The following ZUP1 variants were observed in gnomAD, a reference collection of about 807,000 sequenced individuals.
ZUP1 encodes the protein zinc finger-containing ubiquitin peptidase 1.
In ZUP1, 55 loss-of-function variants were observed where a neutral mutation model predicts 68.1. That is an observed-to-expected ratio of 0.81 (90% CI 0.65 to 1.01). The LOEUF (loss-of-function observed/expected upper bound fraction) is 1.01, where lower values mean the gene tolerates loss of function less well. Among genes scored for constraint, ZUP1 ranks in the 50% least tolerant of loss-of-function variants. The pLI is 0.00. For missense variants in ZUP1, 684 were observed against 674.9 expected, an observed-to-expected ratio of 1.01 and a Z score of -0.15; for synonymous variants, 223 against 221.5, an observed-to-expected ratio of 1.01 and a Z score of -0.06.
intron 9 of ZUP1, 34 bp downstream of exon 9, chr6:116,645,676 CTCAT>C (rs1232084145): frequency 1.4e-6 from 2 of 1,427,520 alleles, no homozygotes; most frequent in Non-Finnish European, 9.5e-7. Flanking sequence ...TTAAGTTCAT[CTCAT>C]TCAAACTTCA....
chr6:116,661,973 C>A (rs922378250), intron 2 of ZUP1, among the ~76,000 whole-genome samples: 2 of 152,074 alleles, frequency 1.3e-5, no homozygotes, highest in Non-Finnish European at 2.9e-5. Flanking sequence ...GTTCAAAATG[C>A]TCACTGAAAT....
intron 8 of ZUP1, 61 bp downstream of exon 8, chr6:116,647,398 A>T: frequency 7.3e-7 from 1 of 1,378,272 alleles, no homozygotes; most frequent in Non-Finnish European, 9.6e-7. Flanking sequence ...AACCTGTCTG[A>T]AAGCAACAAT....
intron 2 of ZUP1, among the ~76,000 whole-genome samples, chr6:116,662,003 T>C (rs1279848930): frequency 6.6e-6 from 1 of 152,120 alleles, no homozygotes; most frequent in Non-Finnish European, 1.5e-5. Flanking sequence ...AACTGAATCT[T>C]TGAAACCAGG....
intron 9 of ZUP1, among the ~76,000 whole-genome samples, chr6:116,639,600 A>C (rs2115378196): frequency 6.6e-6 from 1 of 152,326 alleles, no homozygotes; most frequent in East Asian, 1.9e-4. Flanking sequence ...ACCTCTAGCA[A>C]ACTCCAACAG....
At chr6:116,637,930 C>T (rs1456343365) in intron 9 of ZUP1, among the ~76,000 whole-genome samples, 5 of 152,072 alleles carry the variant, frequency 3.3e-5, no homozygotes, top group African/African-American at 7.2e-5. Context: ...GGCGTGGTGG[C>T]ACACGCCTGT....
intron 3 of ZUP1, among the ~76,000 whole-genome samples, chr6:116,659,322 G>A (rs1776766605): frequency 6.6e-6 from 1 of 152,076 alleles, no homozygotes; most frequent in Admixed American, 6.5e-5. Context: ...TAGAGATGGA[G>A]TTTCGCCATG....
At chr6:116,636,408 G>A (rs1393719299) in intron 9 of ZUP1, among the ~76,000 whole-genome samples, 2 of 151,994 alleles carry the variant, frequency 1.3e-5, no homozygotes, top group Non-Finnish European at 2.9e-5. Context: ...AATATAGTGG[G>A]GTAACTTTAA....
At chr6:116,650,296 C>A (rs1230533447) in intron 7 of ZUP1, among the ~76,000 whole-genome samples, 4 of 151,780 alleles carry the variant, frequency 2.6e-5, no homozygotes, top group Non-Finnish European at 5.9e-5. Context: ...GTAGCGGAAG[C>A]CTGTAATCCC....
intron 9 of ZUP1, among the ~76,000 whole-genome samples, chr6:116,645,122 A>G (rs913731211): frequency 6.8e-6 from 1 of 146,178 alleles, no homozygotes; most frequent in Non-Finnish European, 1.6e-5. Context: ...TTTAAAATGC[A>G]AAAAAATTAA....
At chr6:116,636,407 G>C (rs1415670111) in intron 9 of ZUP1, among the ~76,000 whole-genome samples, 1 of 151,974 alleles carries the variant, frequency 6.6e-6, no homozygotes, top group Non-Finnish European at 1.5e-5. Flanking sequence ...GAATATAGTG[G>C]GGTAACTTTA....
intron 2 of ZUP1, among the ~76,000 whole-genome samples, chr6:116,661,772 G>C (rs893849219): frequency 1.3e-5 from 2 of 152,152 alleles, no homozygotes; most frequent in African/African-American, 4.8e-5. Context: ...CAGTGTGAAG[G>C]AACCATGAAA....
intron 2 of ZUP1, among the ~76,000 whole-genome samples, chr6:116,665,523 T>C (rs1427765136): frequency 6.7e-6 from 1 of 148,202 alleles, no homozygotes; most frequent in African/African-American, 2.5e-5. Flanking sequence ...ATCTGCAAAA[T>C]ACACATCCAA....
At chr6:116,654,875 T>C (rs1172446189) in intron 5 of ZUP1, among the ~76,000 whole-genome samples, 3 of 152,112 alleles carry the variant, frequency 2.0e-5, no homozygotes, top group Non-Finnish European at 4.4e-5. Context: ...AGTGTCACCA[T>C]ACTATGTGTG....
chr6:116,639,471 G>A (rs1439832245), intron 9 of ZUP1, among the ~76,000 whole-genome samples: 2 of 152,144 alleles, frequency 1.3e-5, no homozygotes, highest in African/African-American at 2.4e-5. Flanking sequence ...TCACACGGCC[G>A]GGTACTCCTC....
chr6:116,668,010 G>C (rs1777061972), intron 1 of ZUP1, among the ~76,000 whole-genome samples: 1 of 134,442 alleles, frequency 7.4e-6, no homozygotes, highest in Non-Finnish European at 1.6e-5. Context: ...TGACATAAAA[G>C]TGTTAAAAAA....
intron 9 of ZUP1, among the ~76,000 whole-genome samples, chr6:116,640,146 T>C (rs1357521527): frequency 1.4e-5 from 2 of 138,830 alleles, no homozygotes; most frequent in African/African-American, 5.8e-5. Context: ...GAAAAAAGAA[T>C]AGAAAGAAAT....
intron 2 of ZUP1, among the ~76,000 whole-genome samples, chr6:116,665,569 CTTTT>C (rs753039436): frequency 3.6e-5 from 4 of 111,580 alleles, no homozygotes; most frequent in South Asian, 3.0e-4. Flanking sequence ...AAAAATTTTT[CTTTT>C]TTTTTTTTTT....
chr6:116,658,883 G>A lies in ZUP1; in HGVS notation c.712C>T (p.His238Tyr), dbSNP rs1161328550. ...VQCSGDLQLAHQLQQEEDRKR... is the reference protein window; with the variant it reads ...VQCSGDLQLAYQLQQEEDRKR... ...CTGTCTTCTTCTTGCTGAAGCTGGT[G>A]AGCCAATTGTAGATCACCAGAACAC... is the stretch of plus-strand genomic sequence containing the variant. Residue 238 changes from histidine to tyrosine, a missense_variant, in exon 4 of 10, where the codon CAC (histidine) becomes TAC (tyrosine). Coordinates refer to ENST00000368576, the MANE Select transcript of ZUP1 (RefSeq NM_145062.3). The A allele has an allele frequency of 6.2e-7, 1 of 1,612,156 alleles. No individual in the cohort carries two copies. The highest frequency in any genetic ancestry group is 1.7e-5 in the Admixed American group (1 of 59,916).
chr6:116,657,509 T>TAAGAAAAG (rs1776708938), intron 4 of ZUP1, among the ~76,000 whole-genome samples: 1 of 152,222 alleles, frequency 6.6e-6, no homozygotes, highest in Non-Finnish European at 1.5e-5. Context: ...CCAATTTTCT[T>TAAGAAAAG]TCCTATTTTG....
Sources: allele counts gnomAD v4.1 joint callset (sites outside exome capture counted in the v4.1 genomes callset), GRCh38; gene constraint gnomAD v4.1.1; transcripts MANE v1.5; gene names NCBI Gene and HGNC (gene_info 2026-07-23, HGNC 2026-07-21).